TMEM164: variants seen among roughly 807,000 people sequenced by gnomAD.
The protein encoded by TMEM164 is transmembrane protein 164.
TMEM164 carries 4 observed loss-of-function variants against 18.8 expected under a neutral mutation model. The ratio of observed to expected loss-of-function variants is 0.21; its 90% CI spans 0.10 to 0.49. The LOEUF is 0.49. Ranked by LOEUF, TMEM164 falls within the 20% of genes least tolerant of loss-of-function variation. The pLI, the probability that TMEM164 is intolerant of heterozygous loss-of-function variation, is 0.98. For missense variants in TMEM164, 108 were observed against 239.9 expected (o/e 0.45, Z 3.63); for synonymous variants, 86 against 101.7 (o/e 0.85, Z 0.93).
intron 2 of TMEM164, among the ~76,000 whole-genome samples, chrX:110,047,710 G>A (rs1935375594): frequency 8.9e-6 from 1 of 111,875 alleles, no homozygotes; most frequent in Non-Finnish European, 1.9e-5. Context: ...TCCCCAACAA[G>A]TGCTGAATGG....
chrX:110,165,092 G>T (rs749388421), intron 5 of TMEM164, among the ~76,000 whole-genome samples: 1 of 112,890 alleles, frequency 8.9e-6, no homozygotes, highest in Non-Finnish European at 1.9e-5. Flanking sequence ...TTCCTGAAAC[G>T]GCTATTGCAA....
At chrX:110,059,773 T>C (rs1372499912) in intron 2 of TMEM164, among the ~76,000 whole-genome samples, 1 of 112,092 alleles carries the variant, frequency 8.9e-6, no homozygotes, top group Admixed American at 9.5e-5. Flanking sequence ...TTAGTGTTAG[T>C]GTATTTTATG....
chrX:110,098,518 A>G (rs1033899658), intron 3 of TMEM164, among the ~76,000 whole-genome samples: 46 of 111,325 alleles, frequency 4.1e-4, no homozygotes, highest in Non-Finnish European at 7.3e-4. Flanking sequence ...CCTTTATAAG[A>G]TACCATCAAA....
downstream of TMEM164, among the ~76,000 whole-genome samples, chrX:110,182,971 A>T (rs560801916): frequency 1.9e-4 from 21 of 112,318 alleles, no homozygotes; most frequent in South Asian, 7.8e-3. Flanking sequence ...CAGAGAGCTT[A>T]GCAAGACATG....
chrX:110,023,586 A>G (rs1251529933), intron 2 of TMEM164, among the ~76,000 whole-genome samples: 1 of 111,667 alleles, frequency 9.0e-6, no homozygotes, highest in Non-Finnish European at 1.9e-5. Flanking sequence ...ATTAGGGTAT[A>G]ATTCTAGTCA....
chrX:110,163,300 G>T (rs949970786), intron 5 of TMEM164, among the ~76,000 whole-genome samples: 1 of 112,080 alleles, frequency 8.9e-6, no homozygotes, highest in Non-Finnish European at 1.9e-5. Context: ...TCCAGTAGTC[G>T]CATTAAAAGC....
chrX:110,075,807 G>C lies in TMEM164; in HGVS notation c.440+8411G>C, dbSNP rs768820645. 5.4e-5 allele frequency among the ~76,000 whole-genome samples: 6 copies of C among 111,797 alleles called. No individual in the cohort carries two copies. The South Asian group carries it at 1.9e-3, about 35-fold the overall frequency. ...ACCAACTTTGCATCCCAGAAATGAAGCCTACTTGATTTTGGTGAATTAACT... is the reference window on the plus strand; with the variant it reads ...ACCAACTTTGCATCCCAGAAATGAACCCTACTTGATTTTGGTGAATTAACT... On this transcript the variant is annotated intron_variant, in intron 3 of 6. Coordinates refer to ENST00000372068, the MANE Select transcript of TMEM164 (RefSeq NM_032227.4).
intron 2 of TMEM164, among the ~76,000 whole-genome samples, chrX:110,051,183 C>T (rs898515720): frequency 9.0e-6 from 1 of 111,429 alleles, no homozygotes; most frequent in East Asian, 2.8e-4. Context: ...TCTAAGGTTA[C>T]TGGGATATTA....
chrX:110,173,308 T>C lies in TMEM164; in HGVS notation c.751T>C (p.Trp251Arg), dbSNP rs777193664. The change falls in exon 7 of 7, where the codon TGG (tryptophan) becomes CGG (arginine). Residue 251 changes from tryptophan to arginine, a missense_variant. Coordinates refer to ENST00000372068, the MANE Select transcript of TMEM164 (RefSeq NM_032227.4). ...PAISDPFYGP[W>R]YRIWASGHQT... ...CATCTCAGACCCATTCTACGGCCCC[T>C]GGTATCGCATCTGGGCCTCGGGACA... 13 of 1,209,518 alleles carry C rather than the reference T, an allele frequency of 1.1e-5. No homozygotes were observed. The Admixed American group carries it at 2.8e-4, about 26-fold the overall frequency.
At chrX:110,141,545 G>A (rs1176340817) in intron 4 of TMEM164, among the ~76,000 whole-genome samples, 1 of 111,548 alleles carries the variant, frequency 9.0e-6, no homozygotes, top group Non-Finnish European at 1.9e-5. Context: ...AAAACCATCA[G>A]ATCTCATGAG....
chrX:110,076,513 G>T (rs1366171705), intron 3 of TMEM164, among the ~76,000 whole-genome samples: 1 of 109,985 alleles, frequency 9.1e-6, no homozygotes, highest in Non-Finnish European at 1.9e-5. Flanking sequence ...TTTTCTTCTT[G>T]CTTTGGAGTT....
At chrX:110,142,156 G>A (rs1390567241) in intron 4 of TMEM164, among the ~76,000 whole-genome samples, 1 of 112,346 alleles carries the variant, frequency 8.9e-6, no homozygotes, top group Non-Finnish European at 1.9e-5. Context: ...GGCAAGTTTG[G>A]CTACTGTGTG....
intron 3 of TMEM164, among the ~76,000 whole-genome samples, chrX:110,105,454 G>T (rs1460958699): frequency 9.2e-6 from 1 of 109,183 alleles, no homozygotes; most frequent in Non-Finnish European, 1.9e-5. Context: ...TTTGTGGCAG[G>T]CTGGAGGGGG....
intron 3 of TMEM164, among the ~76,000 whole-genome samples, chrX:110,089,595 G>A (rs187923088): frequency 1.8e-5 from 2 of 112,340 alleles, no homozygotes; most frequent in Non-Finnish European, 3.8e-5. Context: ...ATTTCTGATG[G>A]CTACATAGTA....
At chrX:110,094,079 C>T (rs1208008312) in intron 3 of TMEM164, among the ~76,000 whole-genome samples, 1 of 111,473 alleles carries the variant, frequency 9.0e-6, no homozygotes, top group Non-Finnish European at 1.9e-5. Context: ...TGTTCTTTTA[C>T]ATTTGCTGAG....
At chrX:110,039,620 G>A (rs148185958) in intron 2 of TMEM164, among the ~76,000 whole-genome samples, 3 of 111,969 alleles carry the variant, frequency 2.7e-5, no homozygotes, top group East Asian at 5.6e-4. Context: ...GAGTGAGGGC[G>A]GGGGATGGAT....
At chrX:110,079,484 C>T (rs1237586676) in intron 3 of TMEM164, among the ~76,000 whole-genome samples, 3 of 111,707 alleles carry the variant, frequency 2.7e-5, no homozygotes, top group African/African-American at 9.8e-5. Flanking sequence ...TCTTCAGGAT[C>T]GTGTTCCATC....
downstream of TMEM164, among the ~76,000 whole-genome samples, chrX:110,179,919 G>A (rs888599879): frequency 8.9e-6 from 1 of 112,072 alleles, no homozygotes; most frequent in African/African-American, 3.2e-5. Flanking sequence ...AGAACCCTAG[G>A]CTACATAAGC....
intron 3 of TMEM164, among the ~76,000 whole-genome samples, chrX:110,101,969 A>AT (rs780293154): frequency 5.6e-5 from 6 of 106,733 alleles, no homozygotes; most frequent in East Asian, 2.9e-4. Context: ...TTTTGCTCTT[A>AT]TTTTTTTTAT....
Sources: gnomAD v4.1 joint callset for allele counts (sites outside exome capture counted in the v4.1 genomes callset) on GRCh38, gnomAD v4.1.1 for gene constraint, MANE v1.5 for transcripts, NCBI Gene and HGNC (gene_info 2026-07-23, HGNC 2026-07-21) for gene names.